GPC5: variants seen among roughly 807,000 people sequenced by gnomAD.
GPC5 encodes glypican-5.
In GPC5, 47 loss-of-function variants were observed where a neutral mutation model predicts 53.9. The observed-to-expected ratio is 0.87, with a 90% CI of 0.69 to 1.11. GPC5 has a LOEUF of 1.11. GPC5 is among the 50% of genes most tolerant of loss of function. The probability of loss-of-function intolerance (pLI) is 0.00; values close to 1 mark genes in which losing one functional copy is unlikely to be tolerated. For missense variants in GPC5, 748 were observed against 713.1 expected (o/e 1.05, Z -0.56); for synonymous variants, 286 against 263.3 (o/e 1.09, Z -0.84).
chr13:92,822,989 C>T (rs1342322195), intron 7 of GPC5, among the ~76,000 whole-genome samples: 1 of 151,650 alleles, frequency 6.6e-6, no homozygotes, highest in East Asian at 1.9e-4. Flanking sequence ...AAAAAAATCA[C>T]GAGTGCCACA....
At chr13:92,118,435 C>T (rs1443659850) in intron 6 of GPC5, among the ~76,000 whole-genome samples, 1 of 152,160 alleles carries the variant, frequency 6.6e-6, no homozygotes, top group Admixed American at 6.5e-5. Context: ...GAGAGATTCT[C>T]TCTCTCGAAG....
rs181233012 is a variant in GPC5 at position 91,770,024 on chromosome 13, C to G, written c.1280+13604C>G. Among the ~76,000 whole-genome samples the G allele has an allele frequency of 1.1e-4, 16 of 152,302 alleles. No individual in the cohort carries two copies. In the East Asian group the frequency reaches 3.1e-3, roughly 29 times the overall value. On this transcript the variant is annotated intron_variant, in intron 5 of 7. Coordinates refer to ENST00000377067, the MANE Select transcript of GPC5 (RefSeq NM_004466.6). ...AGGTCCCCAGATTATGCACAACTTC[C>G]ATATGACTTGGCTACACATTGGAGA...
chr13:92,485,903 T>A (rs1879535429), intron 7 of GPC5, among the ~76,000 whole-genome samples: 1 of 152,092 alleles, frequency 6.6e-6, no homozygotes, highest in Non-Finnish European at 1.5e-5. Flanking sequence ...GAGGCAGAGG[T>A]TGCAGTGAGC....
rs11843306 is a variant in GPC5, at chr13:92,713,547, G to T, written c.1562-152735G>T. On this transcript the variant is annotated intron_variant, in intron 7 of 7. Coordinates refer to ENST00000377067, the MANE Select transcript of GPC5 (RefSeq NM_004466.6). The stretch of plus-strand genomic sequence containing the variant: ...GGCGTGAACCCAGGAGGCAGAGCTT[G>T]CAGTGAGCTGAGATCGTGCCAATAC... 4.7e-3 allele frequency among the ~76,000 whole-genome samples: 704 copies of T among 150,466 alleles called. 5 individuals carry two copies. The highest frequency in any genetic ancestry group is 0.016 in the African/African-American group (664 of 40,940).
intron 7 of GPC5, among the ~76,000 whole-genome samples, chr13:92,782,484 T>A (rs1270330122): frequency 3.3e-5 from 5 of 152,130 alleles, no homozygotes; most frequent in Non-Finnish European, 7.4e-5. Context: ...TCTGAGTCAC[T>A]GAGATTTATA....
chr13:92,447,474 GC>G (rs1877875448), intron 7 of GPC5: 1 of 151,774 alleles, frequency 6.6e-6, no homozygotes, highest in Admixed American at 6.6e-5. Context: ...AAGAATAGAA[GC>G]TTTTTTAGTA....
At chr13:92,563,835 G>C (rs1200764339) in intron 7 of GPC5, among the ~76,000 whole-genome samples, 2 of 151,978 alleles carry the variant, frequency 1.3e-5, no homozygotes, top group East Asian at 3.9e-4. Context: ...TGTTATTACA[G>C]TCTTGCTACA....
At chr13:91,672,798 C>T (rs2035280972) in intron 2 of GPC5, among the ~76,000 whole-genome samples, 1 of 152,154 alleles carries the variant, frequency 6.6e-6, no homozygotes, top group African/African-American at 2.4e-5. Flanking sequence ...TTTATTGCAG[C>T]ACTATTTACA....
intron 1 of GPC5, 59 bp downstream of exon 1, chr13:91,399,268 C>G (rs1876734349): frequency 3.2e-6 from 5 of 1,564,860 alleles, no homozygotes; most frequent in East Asian, 2.3e-5. Context: ...CTTCGCTCCC[C>G]CAGGCTCCCT....
chr13:91,572,261 G>A (rs1390380175), intron 2 of GPC5, among the ~76,000 whole-genome samples: 4 of 147,020 alleles, frequency 2.7e-5, no homozygotes, highest in African/African-American at 2.6e-5. Context: ...ATACACATAT[G>A]TATATACATG....
At chr13:91,952,620 G>C (rs1053890648) in intron 6 of GPC5, among the ~76,000 whole-genome samples, 3 of 152,134 alleles carry the variant, frequency 2.0e-5, no homozygotes, top group African/African-American at 7.2e-5. Context: ...CCCCCAATGA[G>C]AGTATATGCT....
chr13:91,753,743 A>G (rs1212264310), intron 4 of GPC5, among the ~76,000 whole-genome samples: 1 of 152,194 alleles, frequency 6.6e-6, no homozygotes, highest in African/African-American at 2.4e-5. Context: ...GTGAAACTGC[A>G]TACTACCCGT....
intron 7 of GPC5, among the ~76,000 whole-genome samples, chr13:92,391,968 A>G (rs758233678): frequency 1.3e-5 from 2 of 152,296 alleles, no homozygotes; most frequent in African/African-American, 2.4e-5. Flanking sequence ...GACTTCATAC[A>G]AGGAAAAAGT....
intron 5 of GPC5, among the ~76,000 whole-genome samples, chr13:91,760,816 T>A (rs2037394629): frequency 2.0e-5 from 3 of 152,196 alleles, no homozygotes; most frequent in African/African-American, 7.2e-5. Context: ...TAGATGAAAA[T>A]GTCTCAAATA....
intron 2 of GPC5, among the ~76,000 whole-genome samples, chr13:91,586,717 G>A (rs1160229891): frequency 6.7e-6 from 1 of 149,018 alleles, no homozygotes; most frequent in African/African-American, 2.5e-5. Context: ...GATATGTGGG[G>A]ATTATAATTC....
chr13:92,495,875 T>C (rs1879959448), intron 7 of GPC5, among the ~76,000 whole-genome samples: 1 of 152,082 alleles, frequency 6.6e-6, no homozygotes, highest in South Asian at 2.1e-4. Flanking sequence ...GTCTAAATAT[T>C]CTCGATCCCA....
At chr13:92,721,056 G>C (rs1277034570) in intron 7 of GPC5, among the ~76,000 whole-genome samples, 1 of 151,962 alleles carries the variant, frequency 6.6e-6, no homozygotes, top group Non-Finnish European at 1.5e-5. Context: ...TAAAGGTATA[G>C]TAAGAATCCA....
intron 7 of GPC5, among the ~76,000 whole-genome samples, chr13:92,660,709 T>C (rs1488560192): frequency 1.3e-5 from 2 of 152,034 alleles, no homozygotes; most frequent in East Asian, 1.9e-4. Flanking sequence ...GAATTTCTAT[T>C]ACTTTCTTTT....
intron 7 of GPC5, among the ~76,000 whole-genome samples, chr13:92,186,262 T>C (rs2042183122): frequency 6.6e-6 from 1 of 151,880 alleles, no homozygotes; most frequent in Admixed American, 6.6e-5. Context: ...TTAATATAGG[T>C]TTTCATCTTT....
Sources: gnomAD v4.1 joint callset for allele counts (sites outside exome capture counted in the v4.1 genomes callset) on GRCh38, gnomAD v4.1.1 for gene constraint, MANE v1.5 for transcripts, NCBI Gene and HGNC (gene_info 2026-07-23, HGNC 2026-07-21) for gene names.